Variants in RAB12 observed in about 807,000 individuals in gnomAD.
The protein encoded by RAB12 is ras-related protein Rab-12.
In RAB12, 11 loss-of-function variants were observed where a neutral mutation model predicts 28.4. The ratio of observed to expected loss-of-function variants is 0.39; its 90% CI spans 0.24 to 0.64. The LOEUF is 0.64. Ranked by LOEUF, RAB12 falls within the 30% of genes least tolerant of loss-of-function variation. The probability of loss-of-function intolerance (pLI) is 0.50; values close to 1 mark genes in which losing one functional copy is unlikely to be tolerated. For synonymous variants in RAB12, 138 were observed against 145.3 expected (o/e 0.95, Z 0.36); for missense variants, 276 against 351.1 (o/e 0.79, Z 1.71).
intron 1 of RAB12, among the ~76,000 whole-genome samples, chr18:8,620,069 A>C (rs1261176689): frequency 6.8e-6 from 1 of 146,790 alleles, no homozygotes; most frequent in Non-Finnish European, 1.5e-5. Flanking sequence ...TGGAGGCTGC[A>C]GTGAGCTATA....
intron 2 of RAB12, among the ~76,000 whole-genome samples, chr18:8,632,073 G>A (rs2096016278): frequency 6.6e-6 from 1 of 152,090 alleles, no homozygotes; most frequent in Non-Finnish European, 1.5e-5. Flanking sequence ...CATGAGGTCA[G>A]GAGTTTGAGA....
chr18:8,618,490 G>T (rs1255898816), intron 1 of RAB12, among the ~76,000 whole-genome samples: 3 of 151,746 alleles, frequency 2.0e-5, no homozygotes, highest in Non-Finnish European at 2.9e-5. Flanking sequence ...TACTAGCAGT[G>T]AGTTTGCATC....
intron 1 of RAB12, among the ~76,000 whole-genome samples, chr18:8,616,132 T>C (rs922493679): frequency 1.3e-5 from 2 of 152,190 alleles, no homozygotes; most frequent in African/African-American, 4.8e-5. Context: ...TTTGTATTTA[T>C]ATAAGACACC....
rs139572755 is a variant in RAB12, at chr18:8,620,916, A to G, written c.515-4022A>G. ...TCTAGGGCTTCAGAGGGTTCTGGGC[A>G]GACAAGGAGTTTCTCTAAGAAGAGA... is the stretch of plus-strand genomic sequence containing the variant. On this transcript the variant is annotated intron_variant, in intron 1 of 5. Transcript: ENST00000649141. 1.1e-4 allele frequency among the ~76,000 whole-genome samples: 17 copies of G among 152,344 alleles called. No individual in the cohort carries two copies. In the East Asian group the frequency reaches 2.3e-3, roughly 21 times the overall value.
chr18:8,635,780 C>T lies in RAB12; in HGVS notation c.804+158C>T, dbSNP rs189354554. ...TAATTTGTTTGCACTTTTTTGACTTCGTGCTCCTTTAAATTCATTCTGAAA... is the reference window on the plus strand; with the variant it reads ...TAATTTGTTTGCACTTTTTTGACTTTGTGCTCCTTTAAATTCATTCTGAAA... On this transcript the variant is annotated intron_variant, in intron 4 of 5. Transcript: ENST00000649141. 1.1e-4 allele frequency: 57 copies of T among 526,418 alleles called. No individual in the cohort carries two copies. In the Admixed American group the frequency reaches 1.9e-3, roughly 18 times the overall value. 32.6% of individuals were successfully genotyped at this position (526,418 alleles called of 1,614,324 possible). A position where few individuals can be genotyped will look rare whatever the true frequency, so the allele number is the denominator to read the frequency against.
chr18:8,626,491 C>T (rs931932416), intron 2 of RAB12, among the ~76,000 whole-genome samples: 17 of 152,186 alleles, frequency 1.1e-4, no homozygotes, highest in African/African-American at 1.9e-4. Context: ...TCATCTTTGG[C>T]GGCAGTATTC....
rs547662432 is a variant in RAB12 at position 8,610,017 on chromosome 18, G to A, written c.514+64G>A. The A allele has an allele frequency of 1.4e-5, 18 of 1,307,254 alleles. No individual in the cohort carries two copies. The Admixed American group carries it at 1.6e-4, about 12-fold the overall frequency. The allele number at this position is 1,307,254 out of a possible 1,614,324, so 81.0% of individuals were successfully genotyped here. ...CGCCCGGGCAGGTGCCCTTCGCCCC[G>A]TGGGCTTCGAGTCTCATCGAGCCTG... On this transcript the variant is annotated intron_variant, in intron 1 of 5. Transcript: ENST00000649141.
At chr18:8,634,280 TCTC>T (rs1359078298) in intron 3 of RAB12, among the ~76,000 whole-genome samples, 5 of 75,872 alleles carry the variant, frequency 6.6e-5, no homozygotes, top group African/African-American at 1.6e-4. Context: ...TCTCTCTCTC[TCTC>T]TTTTTTTTTT....
chr18:8,618,177 C>G (rs1302339862), intron 1 of RAB12, among the ~76,000 whole-genome samples: 1 of 152,042 alleles, frequency 6.6e-6, no homozygotes, highest in Non-Finnish European at 1.5e-5. Flanking sequence ...CAGTCAAGTG[C>G]AAGGCTGTCT....
At chr18:8,623,330 A>T (rs187333609) in intron 1 of RAB12, among the ~76,000 whole-genome samples, 19 of 152,362 alleles carry the variant, frequency 1.2e-4, no homozygotes, top group African/African-American at 4.3e-4. Flanking sequence ...TTCTTCTGCC[A>T]TGGCTTCAGC....
chr18:8,634,688 G>A (rs1367525687), intron 3 of RAB12, among the ~76,000 whole-genome samples: 1 of 152,082 alleles, frequency 6.6e-6, no homozygotes, highest in Non-Finnish European at 1.5e-5. Flanking sequence ...CCTGAGTGCG[G>A]GGCCCATTGC....
At chr18:8,637,885 A>G (rs1409537926) in intron 5 of RAB12, among the ~76,000 whole-genome samples, 2 of 152,222 alleles carry the variant, frequency 1.3e-5, no homozygotes, top group South Asian at 2.1e-4. Context: ...GAAGTGGATC[A>G]TCATAAAGGT....
At chr18:8,636,583 C>T (rs142044617) in intron 5 of RAB12, among the ~76,000 whole-genome samples, 4 of 152,330 alleles carry the variant, frequency 2.6e-5, no homozygotes, top group Middle Eastern at 3.4e-3. Flanking sequence ...GGCATACTTG[C>T]TTCGCCTTAA....
chr18:8,635,665 GC>G (rs2096018486), intron 4 of RAB12, 43 bp downstream of exon 4: 1 of 1,231,240 alleles, frequency 8.1e-7, no homozygotes, highest in African/African-American at 1.5e-5. Context: ...ACTGTGCTTA[GC>G]GCTTGAGGTA....
At chr18:8,614,657 TC>T (rs1395774883) in intron 1 of RAB12, among the ~76,000 whole-genome samples, 6 of 152,216 alleles carry the variant, frequency 3.9e-5, no homozygotes, top group Admixed American at 1.3e-4. Flanking sequence ...CGATCTCTGC[TC>T]ACTGCAAACC....
intron 1 of RAB12, among the ~76,000 whole-genome samples, chr18:8,611,627 A>G (rs564885650): frequency 1.3e-5 from 2 of 152,296 alleles, no homozygotes; most frequent in Non-Finnish European, 2.9e-5. Context: ...TCCTATGGGC[A>G]CCTGGAACCA....
intron 1 of RAB12, among the ~76,000 whole-genome samples, chr18:8,624,428 T>C (rs1219822276): frequency 6.6e-6 from 1 of 152,230 alleles, no homozygotes; most frequent in Non-Finnish European, 1.5e-5. Context: ...TTCTCACTGT[T>C]GATCATATAA....
chr18:8,637,278 TAAAA>T (rs11375791), intron 5 of RAB12, among the ~76,000 whole-genome samples: 8 of 144,084 alleles, frequency 5.6e-5, no homozygotes, highest in African/African-American at 1.8e-4. Context: ...TGTCTCTATT[TAAAA>T]AAAAAAAAAA....
intron 2 of RAB12, among the ~76,000 whole-genome samples, chr18:8,629,958 C>T (rs2096014998): frequency 6.6e-6 from 1 of 152,180 alleles, no homozygotes; most frequent in African/African-American, 2.4e-5. Flanking sequence ...AAAGAAATCG[C>T]TTTGCAAGTG....
Sources: gnomAD v4.1 joint callset for allele counts (sites outside exome capture counted in the v4.1 genomes callset) on GRCh38, gnomAD v4.1.1 for gene constraint, MANE v1.5 for transcripts, NCBI Gene and HGNC (gene_info 2026-07-23, HGNC 2026-07-21) for gene names.